Variants in PYGO1 observed in about 807,000 individuals in gnomAD.
PYGO1 encodes the protein pygopus family PHD finger 1.
A neutral mutation model predicts 29.5 loss-of-function variants in PYGO1; 6 were observed. The ratio of observed to expected loss-of-function variants is 0.20; its 90% CI spans 0.11 to 0.40. The LOEUF is 0.40. PYGO1 is among the 10% of genes least tolerant of loss of function. The pLI is 1.00. For missense variants in PYGO1, 515 were observed against 514.9 expected (o/e 1.00, Z 0.00); for synonymous variants, 186 against 180.5 (o/e 1.03, Z -0.24).
chr15:55,552,298 C>T (rs1392865548), intron 1 of PYGO1, among the ~76,000 whole-genome samples: 1 of 142,512 alleles, frequency 7.0e-6, no homozygotes, highest in Non-Finnish European at 1.5e-5. Flanking sequence ...AGAGGTTCCA[C>T]TGAGTTGAGA....
At chr15:55,586,235 G>A (rs1335644008) in intron 1 of PYGO1, among the ~76,000 whole-genome samples, 2 of 152,090 alleles carry the variant, frequency 1.3e-5, no homozygotes, top group South Asian at 2.1e-4. Flanking sequence ...ACCCTGTTTG[G>A]ATGACTATTG....
At chr15:55,547,258 T>G (rs2058856730) in intron 2 of PYGO1, 111 bp from the exon 3 acceptor site, 2 of 917,754 alleles carry the variant, frequency 2.2e-6, no homozygotes, top group African/African-American at 1.7e-5. Context: ...TCTCTTGCAG[T>G]GTTAACAAAC....
intron 1 of PYGO1, among the ~76,000 whole-genome samples, chr15:55,582,307 A>AGAGGGAATATGGTAG (rs1174369905): frequency 6.6e-5 from 10 of 152,054 alleles, no homozygotes; most frequent in African/African-American, 1.9e-4. Context: ...GTTCCCCAAG[A>AGAGGGAATATGGTAG]GAGGGAATAT....
rs146285413 is a variant in PYGO1 at position 55,556,441 on chromosome 15, G to A, written c.50-7446C>T. Reference sequence around the variant, plus strand: ...AATTAACACAGAAATCAAGTTCTTCGAAACTAATGAGAACAAAGAGACAAT... The same window carrying A: ...AATTAACACAGAAATCAAGTTCTTCAAAACTAATGAGAACAAAGAGACAAT... On this transcript the variant is annotated intron_variant, in intron 1 of 2. Coordinates refer to ENST00000563719, the MANE Select transcript of PYGO1 (RefSeq NM_001367806.1). Among the ~76,000 whole-genome samples the A allele has an allele frequency of 1.4e-4, 22 of 152,162 alleles. No individual in the cohort carries two copies. The East Asian group carries it at 3.5e-3, about 24-fold the overall frequency.
chr15:55,539,378 T>G lies in PYGO1; in HGVS notation c.*6645A>C, dbSNP rs1004492014. 1.3e-5 allele frequency: 2 copies of G among 152,122 alleles called. No homozygotes were observed. Among genetic ancestry groups the G allele is most frequent in the Non-Finnish European group, 2.9e-5 (2 of 67,964 alleles). 9.4% of individuals were successfully genotyped at this position (152,122 alleles called of 1,614,324 possible). A position where few individuals can be genotyped will look rare whatever the true frequency, so the allele number is the denominator to read the frequency against. On this transcript the variant is annotated 3_prime_UTR_variant, in exon 3 of 3. Coordinates refer to ENST00000563719, the MANE Select transcript of PYGO1 (RefSeq NM_001367806.1). ...GTCAAACTTTCCATTATCTACTATA[T>G]TCAATCAGTTATCAAGCCAATTTCA...
At position 55,539,175 on chromosome 15, in the gene PYGO1, C is replaced by G. The variant is rs1262550848; in HGVS notation, c.*6848G>C. The G allele has an allele frequency of 6.6e-6, 1 of 152,196 alleles. No homozygotes were observed. Among genetic ancestry groups the G allele is most frequent in the Non-Finnish European group, 1.5e-5 (1 of 68,008 alleles). 9.4% of individuals were successfully genotyped at this position (152,196 alleles called of 1,614,324 possible). Reference sequence around the variant, plus strand: ...ACTAAAATGTAGATGACAAATTAAACTCTTCCAATTTTAAATTCTAGCATG... The same window carrying G: ...ACTAAAATGTAGATGACAAATTAAAGTCTTCCAATTTTAAATTCTAGCATG... On this transcript the variant is annotated 3_prime_UTR_variant, in exon 3 of 3. Transcript: ENST00000563719.
intron 1 of PYGO1, among the ~76,000 whole-genome samples, chr15:55,578,375 C>A (rs1476254942): frequency 6.6e-6 from 1 of 151,692 alleles, no homozygotes; most frequent in Non-Finnish European, 1.5e-5. Context: ...GAGTATCTAT[C>A]TAGAGGTGGA....
chr15:55,540,260 C>G lies in PYGO1; in HGVS notation c.*5763G>C, dbSNP rs1205785020. The stretch of plus-strand genomic sequence containing the variant: ...AAAATTCCAGGTAAATTAGAGGAGT[C>G]TTACGGTATCTTAATCATGTCTAAA... On this transcript the variant is annotated 3_prime_UTR_variant, in exon 3 of 3. Transcript: ENST00000563719. 6.6e-6 allele frequency: 1 copy of G among 151,988 alleles called. No individual in the cohort carries two copies. The highest frequency in any genetic ancestry group is 1.5e-5 in the Non-Finnish European group (1 of 67,914). 9.4% of individuals were successfully genotyped at this position (151,988 alleles called of 1,614,324 possible).
At chr15:55,579,534 G>C (rs1036251477) in intron 1 of PYGO1, among the ~76,000 whole-genome samples, 8 of 151,798 alleles carry the variant, frequency 5.3e-5, no homozygotes, top group African/African-American at 1.5e-4. Flanking sequence ...TATTTTATAA[G>C]CGACTGGGTC....
chr15:55,563,761 G>C (rs1251387613), intron 1 of PYGO1, among the ~76,000 whole-genome samples: 1 of 152,116 alleles, frequency 6.6e-6, no homozygotes, highest in Non-Finnish European at 1.5e-5. Context: ...CAAAGGTTTT[G>C]AACAGACATT....
rs977530822 is a variant in PYGO1 at position 55,539,539 on chromosome 15, T to C, written c.*6484A>G. 1 of 152,080 alleles carries C rather than the reference T, an allele frequency of 6.6e-6. No homozygotes were observed. The highest frequency in any genetic ancestry group is 1.5e-5 in the Non-Finnish European group (1 of 67,936). The allele number at this position is 152,080 out of a possible 1,614,324, so 9.4% of individuals were successfully genotyped here. On this transcript the variant is annotated 3_prime_UTR_variant, in exon 3 of 3. Transcript: ENST00000563719. ...TTAATAATACTTCTTTAGACGTCTA[T>C]GATCTAAATAGAAACAGACTCAGTT...
chr15:55,572,527 G>A (rs1244937183), intron 1 of PYGO1, among the ~76,000 whole-genome samples: 2 of 152,088 alleles, frequency 1.3e-5, no homozygotes, highest in Non-Finnish European at 2.9e-5. Context: ...AAAAGCACAA[G>A]CAACAAAAGC....
upstream of PYGO1, chr15:55,588,822 A>G (rs1185406966): frequency 6.2e-7 from 1 of 1,613,720 alleles, no homozygotes; most frequent in Non-Finnish European, 8.5e-7. Context: ...GAAACTTTGT[A>G]AGCGGGAGCT....
At chr15:55,574,059 C>T (rs539073562) in intron 1 of PYGO1, among the ~76,000 whole-genome samples, 1 of 152,290 alleles carries the variant, frequency 6.6e-6, no homozygotes, top group East Asian at 1.9e-4. Context: ...TTCTTGGGAG[C>T]ACTTCCAGCA....
intron 1 of PYGO1, among the ~76,000 whole-genome samples, chr15:55,572,838 C>A (rs1001545883): frequency 6.6e-6 from 1 of 151,848 alleles, no homozygotes; most frequent in East Asian, 1.9e-4. Context: ...TGAGAAATAA[C>A]CTTACATTTC....
intron 1 of PYGO1, among the ~76,000 whole-genome samples, chr15:55,568,089 A>C (rs1486443382): frequency 6.6e-6 from 1 of 151,992 alleles, no homozygotes; most frequent in Non-Finnish European, 1.5e-5. Context: ...GAATTTTAAC[A>C]CAGTTTTTTC....
At chr15:55,572,771 T>A (rs2058985224) in intron 1 of PYGO1, among the ~76,000 whole-genome samples, 1 of 151,996 alleles carries the variant, frequency 6.6e-6, no homozygotes, top group African/African-American at 2.4e-5. Flanking sequence ...GGCCAACAGG[T>A]ACCTGAAAAG....
At chr15:55,549,057 T>C in intron 1 of PYGO1, 62 bp from the exon 2 acceptor site, 1 of 1,234,276 alleles carries the variant, frequency 8.1e-7, no homozygotes, top group South Asian at 1.3e-5. Context: ...TTATATCTCA[T>C]AGTAATATCT....
At chr15:55,585,902 T>C (rs1316630021) in intron 1 of PYGO1, among the ~76,000 whole-genome samples, 1 of 152,226 alleles carries the variant, frequency 6.6e-6, no homozygotes, top group African/African-American at 2.4e-5. Context: ...TTAAAGGCTT[T>C]GGCAACTCAC....
Sources: gnomAD v4.1 joint callset for allele counts (sites outside exome capture counted in the v4.1 genomes callset) on GRCh38, gnomAD v4.1.1 for gene constraint, MANE v1.5 for transcripts, NCBI Gene and HGNC (gene_info 2026-07-23, HGNC 2026-07-21) for gene names.